Variants in NKAIN3 observed in about 807,000 individuals in gnomAD.
NKAIN3 encodes the protein sodium/potassium-transporting ATPase subunit beta-1-interacting protein 3.
Under a neutral mutation model 30.2 loss-of-function variants are expected in NKAIN3, and 25 were observed. The observed-to-expected ratio is 0.83, with a 90% CI of 0.60 to 1.16. NKAIN3 has a LOEUF of 1.16. Ranked by LOEUF, NKAIN3 falls within the 50% of genes most tolerant of loss-of-function variation. NKAIN3 has a pLI of 0.00. For synonymous variants in NKAIN3, 91 were observed against 89.6 expected, an observed-to-expected ratio of 1.02 and a Z score of -0.09; for missense variants, 225 against 254.1, an observed-to-expected ratio of 0.89 and a Z score of 0.78.
intron 5 of NKAIN3, among the ~76,000 whole-genome samples, chr8:62,946,791 C>T (rs889125348): frequency 6.6e-6 from 1 of 152,190 alleles, no homozygotes; most frequent in Non-Finnish European, 1.5e-5. Flanking sequence ...AGAAAGCAAG[C>T]TCAGAATAAA....
intron 1 of NKAIN3, among the ~76,000 whole-genome samples, chr8:62,286,632 AC>A (rs1338961320): frequency 6.6e-6 from 1 of 152,150 alleles, no homozygotes; most frequent in African/African-American, 2.4e-5. Flanking sequence ...TGATTCCTTA[AC>A]AATTGTCTGT....
intron 1 of NKAIN3, among the ~76,000 whole-genome samples, chr8:62,297,494 C>T (rs1447999862): frequency 1.3e-5 from 2 of 151,934 alleles, no homozygotes; most frequent in South Asian, 4.2e-4. Flanking sequence ...CAAACAACCC[C>T]ATCAAAAAGT....
At chr8:62,900,289 G>T (rs544821219) in intron 4 of NKAIN3, among the ~76,000 whole-genome samples, 1 of 152,270 alleles carries the variant, frequency 6.6e-6, no homozygotes, top group South Asian at 2.1e-4. Flanking sequence ...CATTTAAAAA[G>T]TACATAGCAT....
intron 1 of NKAIN3, among the ~76,000 whole-genome samples, chr8:62,399,812 A>T (rs761541214): frequency 2.6e-5 from 4 of 152,184 alleles, no homozygotes; most frequent in Non-Finnish European, 5.9e-5. Flanking sequence ...CAGTGAGGAA[A>T]TGGAGAGAGT....
At chr8:62,511,718 A>G (rs569781147) in intron 1 of NKAIN3, among the ~76,000 whole-genome samples, 2 of 151,990 alleles carry the variant, frequency 1.3e-5, no homozygotes, top group African/African-American at 4.8e-5. Context: ...CATGCCATCT[A>G]CCTTCCTCCA....
intron 4 of NKAIN3, among the ~76,000 whole-genome samples, chr8:62,748,345 G>GAA (rs796096512): frequency 7.4e-5 from 11 of 148,582 alleles, no homozygotes; most frequent in African/African-American, 1.7e-4. Context: ...CTCTTTCTGG[G>GAA]AAAAAAAAAA....
chr8:62,874,158 T>A (rs1001620986), intron 4 of NKAIN3, among the ~76,000 whole-genome samples: 2 of 152,054 alleles, frequency 1.3e-5, no homozygotes, highest in Non-Finnish European at 2.9e-5. Flanking sequence ...ATTTCACCAC[T>A]GACCCCAAAG....
At chr8:62,429,953 A>G (rs193132114) in intron 1 of NKAIN3, among the ~76,000 whole-genome samples, 3 of 151,934 alleles carry the variant, frequency 2.0e-5, no homozygotes, top group Admixed American at 6.6e-5. Flanking sequence ...AACTCTTTCT[A>G]TCTTGTAAAA....
chr8:62,915,996 A>G (rs72655067), intron 4 of NKAIN3, among the ~76,000 whole-genome samples: 3,096 of 152,288 alleles, frequency 0.02, 48 homozygotes, highest in South Asian at 0.027. Flanking sequence ...AAATGAAGAG[A>G]TGCCATTTTG....
In NKAIN3 at chr8:62,963,038, C is replaced by T. The variant is rs1028613314; in HGVS notation, c.604-2316C>T. 3.3e-5 allele frequency among the ~76,000 whole-genome samples: 5 copies of T among 152,086 alleles called. No homozygotes were observed. In the East Asian group the frequency reaches 5.8e-4, roughly 18 times the overall value. ...TCCCTAGTAGCTGGGATTACAGGTG[C>T]CTGCTACCACGCCTGGCTAATTTTT... On this transcript the variant is annotated intron_variant, in intron 6 of 6. Coordinates refer to ENST00000623646, the MANE Select transcript of NKAIN3 (RefSeq NM_001304533.3).
intron 4 of NKAIN3, among the ~76,000 whole-genome samples, chr8:62,911,468 G>A (rs989046004): frequency 2.6e-5 from 4 of 152,052 alleles, no homozygotes; most frequent in Non-Finnish European, 5.9e-5. Flanking sequence ...TCTGTCTATA[G>A]GCAAAACAAC....
At chr8:62,269,485 G>A (rs1212861052) in intron 1 of NKAIN3, among the ~76,000 whole-genome samples, 1 of 152,018 alleles carries the variant, frequency 6.6e-6, no homozygotes, top group African/African-American at 2.4e-5. Flanking sequence ...CCACTGCTGA[G>A]CTAGGTATAC....
chr8:62,957,575 T>C (rs1337975603), intron 6 of NKAIN3, among the ~76,000 whole-genome samples: 1 of 152,106 alleles, frequency 6.6e-6, no homozygotes, highest in African/African-American at 2.4e-5. Flanking sequence ...TGAAATGACA[T>C]GGAGGAGCAT....
intron 1 of NKAIN3, among the ~76,000 whole-genome samples, chr8:62,382,350 A>G (rs1325924666): frequency 6.6e-6 from 1 of 152,158 alleles, no homozygotes; most frequent in East Asian, 1.9e-4. Context: ...GAGTGAGCTG[A>G]GGAAGAGGAG....
intron 1 of NKAIN3, among the ~76,000 whole-genome samples, chr8:62,514,608 A>G (rs1807923621): frequency 2.0e-5 from 3 of 152,132 alleles, no homozygotes; most frequent in Admixed American, 6.5e-5. Context: ...TAGTAGTTCA[A>G]TCAGAGTCCA....
Position 62,315,276 on chromosome 8 carries a change from C to T in NKAIN3, c.54+66149C>T, listed in dbSNP as rs1814579575. ...CAACTTTCCAGAGTTCAACTACAAG[C>T]ACAAATTGTAGTGTAAACATAATGC... On this transcript the variant is annotated intron_variant, in intron 1 of 6. Coordinates refer to ENST00000623646, the MANE Select transcript of NKAIN3 (RefSeq NM_001304533.3). 2.0e-5 allele frequency among the ~76,000 whole-genome samples: 3 copies of T among 152,276 alleles called. No individual in the cohort carries two copies. The South Asian group carries it at 6.2e-4, about 32-fold the overall frequency.
chr8:62,747,096 G>A lies in NKAIN3; in HGVS notation c.438G>A (p.Glu146=). Residue 146 remains glutamate, a synonymous_variant, in exon 4 of 7, where the codon GAG becomes GAA. Coordinates refer to ENST00000623646, the MANE Select transcript of NKAIN3 (RefSeq NM_001304533.3). ...GCATCGTTGACTTCCAGTACCTGGA[G>A]GTCATCCACAGTGCTGTCCAAATAC... ...TGCIVDFQYL[E]VIHSAVQILL... is the part of the protein sequence containing the mutation. The A allele has an allele frequency of 6.2e-7, 1 of 1,612,092 alleles. No individual in the cohort carries two copies. The highest frequency in any genetic ancestry group is 1.1e-5 in the South Asian group (1 of 91,012).
intron 3 of NKAIN3, among the ~76,000 whole-genome samples, chr8:62,626,316 T>C (rs1238022082): frequency 6.6e-6 from 1 of 152,104 alleles, no homozygotes; most frequent in Non-Finnish European, 1.5e-5. Flanking sequence ...AAACTGGTGT[T>C]TCATGCTGGA....
chr8:62,605,903 A>T (rs1470787502), intron 3 of NKAIN3, among the ~76,000 whole-genome samples: 2 of 152,122 alleles, frequency 1.3e-5, no homozygotes, highest in Non-Finnish European at 2.9e-5. Context: ...TGTAGTGAGA[A>T]TTATGATAAT....
Sources: gnomAD v4.1 joint callset for allele counts (sites outside exome capture counted in the v4.1 genomes callset) on GRCh38, gnomAD v4.1.1 for gene constraint, MANE v1.5 for transcripts, NCBI Gene and HGNC (gene_info 2026-07-23, HGNC 2026-07-21) for gene names.